HDAC5: variants seen among roughly 807,000 people sequenced by gnomAD.
The protein encoded by HDAC5 is histone deacetylase 5.
A neutral mutation model predicts 133.3 loss-of-function variants in HDAC5; 25 were observed. The observed-to-expected ratio is 0.19, with a 90% CI of 0.14 to 0.26. The LOEUF (loss-of-function observed/expected upper bound fraction) is 0.26. HDAC5 is among the 10% of genes least tolerant of loss of function. The probability of loss-of-function intolerance (pLI) is 1.00; values close to 1 mark genes in which losing one functional copy is unlikely to be tolerated. For missense variants in HDAC5, 1,041 were observed against 1,460.5 expected (o/e 0.71, Z 4.68); for synonymous variants, 589 against 610.8 (o/e 0.96, Z 0.53).
chr17:44,099,935 C>G (rs1359773593), intron 3 of HDAC5, among the ~76,000 whole-genome samples: 1 of 152,314 alleles, frequency 6.6e-6, no homozygotes, highest in East Asian at 1.9e-4. Context: ...CTTCAGGAAC[C>G]CCATCAGCCC....
rs138341088 is a variant in HDAC5, at chr17:44,115,136, G to C, written c.22+2358C>G. Among the ~76,000 whole-genome samples, 272 of 152,332 alleles carry C rather than the reference G, an allele frequency of 1.8e-3. 2 individuals are homozygous for C. The highest frequency in any genetic ancestry group is 6.3e-3 in the African/African-American group (264 of 41,588). On this transcript the variant is annotated intron_variant, in intron 2 of 26. Coordinates refer to ENST00000682912, the MANE Select transcript of HDAC5 (RefSeq NM_005474.5). Reference sequence around the variant, plus strand: ...CTGTCTTCCACAGGCTGAGCCTGTTGGTGATACTCAGTGAGGACTTGCCAA... The same window carrying C: ...CTGTCTTCCACAGGCTGAGCCTGTTCGTGATACTCAGTGAGGACTTGCCAA...
chr17:44,089,961 G>C (rs940364507), intron 11 of HDAC5, among the ~76,000 whole-genome samples: 1 of 145,436 alleles, frequency 6.9e-6, no homozygotes, highest in Non-Finnish European at 1.5e-5. Flanking sequence ...GGATGAGCAT[G>C]GCGGCTCACA....
At chr17:44,101,402 C>G (rs2051597104) in intron 3 of HDAC5, among the ~76,000 whole-genome samples, 2 of 121,564 alleles carry the variant, frequency 1.6e-5, no homozygotes, top group East Asian at 4.7e-4. Flanking sequence ...CAGAGCAAGA[C>G]TCCGTCTCAA....
intron 3 of HDAC5, among the ~76,000 whole-genome samples, 172 bp from the exon 4 acceptor site, chr17:44,094,006 G>A (rs866855191): frequency 1.1e-4 from 17 of 152,324 alleles, no homozygotes; most frequent in African/African-American, 3.4e-4. Context: ...AATTAAATGA[G>A]GCTGAAGCCA....
chr17:44,099,108 C>T (rs1483829390), intron 3 of HDAC5, among the ~76,000 whole-genome samples: 1 of 152,094 alleles, frequency 6.6e-6, no homozygotes, highest in Non-Finnish European at 1.5e-5. Flanking sequence ...AAGAGTGAAA[C>T]TCTGTCTCAA....
chr17:44,080,055 A>T, intron 23 of HDAC5, 52 bp downstream of exon 23: 1 of 1,287,136 alleles, frequency 7.8e-7, no homozygotes, highest in Non-Finnish European at 1.1e-6. Flanking sequence ...GCCTCACTGG[A>T]CTCGATATCC....
chr17:44,122,747 G>T (rs1385752388), intron 1 of HDAC5, among the ~76,000 whole-genome samples: 1 of 152,066 alleles, frequency 6.6e-6, no homozygotes, highest in Non-Finnish European at 1.5e-5. Flanking sequence ...CTCCCCCCAA[G>T]TTAATAAGGC....
At chr17:44,081,072 G>T (rs1220744784) in intron 20 of HDAC5, among the ~76,000 whole-genome samples, 190 bp from the exon 21 acceptor site, 1 of 152,096 alleles carries the variant, frequency 6.6e-6, no homozygotes, top group Non-Finnish European at 1.5e-5. Flanking sequence ...GTTCACAATG[G>T]TATTGCACAC....
Position 44,097,010 on chromosome 17 carries a change from C to T in HDAC5, c.95-3176G>A, listed in dbSNP as rs533762445. 2.0e-4 allele frequency among the ~76,000 whole-genome samples: 30 copies of T among 152,372 alleles called. No individual in the cohort carries two copies. In the South Asian group the frequency reaches 5.0e-3, roughly 25 times the overall value. On this transcript the variant is annotated intron_variant, in intron 3 of 26. Transcript: ENST00000682912. ...GTGCTGGGATTACAGGCATGAGTGA[C>T]CACACCCAGCCGAACAATTTTTAAA...
At position 44,078,890 on chromosome 17, in the gene HDAC5, AAAG is replaced by A; in HGVS notation, c.3079-14_3079-12del. On this transcript the variant is annotated splice_polypyrimidine_tract_variant and intron_variant, in intron 24 of 26. Coordinates refer to ENST00000682912, the MANE Select transcript of HDAC5 (RefSeq NM_005474.5). ...ATCCAAGGGCTGCAGCTGGCAGGGG[AAAG>A]AAGAGAAGGCTTAGGGTGGGGAGTA... 1 of 1,613,938 alleles carries A rather than the reference AAAG, an allele frequency of 6.2e-7. No individual in the cohort carries two copies. The highest frequency in any genetic ancestry group is 8.5e-7 in the Non-Finnish European group (1 of 1,179,892).
At position 44,111,378 on chromosome 17, in the gene HDAC5, G is replaced by A. The variant is rs148096795; in HGVS notation, c.23-578C>T. ...AGGCGGTTCTACCCCAGGAGGAAGC[G>A]CCAGGCGAGGGGGATGGGAACAGGG... On this transcript the variant is annotated intron_variant, in intron 2 of 26. Transcript: ENST00000682912. The A allele has an allele frequency of 1.6e-3, 540 of 341,806 alleles. 2 individuals are homozygous for A. Among genetic ancestry groups the A allele is most frequent in the African/African-American group, 7.1e-3 (329 of 46,598 alleles). The allele number at this position is 341,806 out of a possible 1,614,324, so 21.2% of individuals were successfully genotyped here.
rs1358904301 is a variant in HDAC5, at chr17:44,093,191, G to T, written c.542C>A (p.Thr181Asn). The change falls in exon 6 of 27, where the codon ACT becomes AAT. Residue 181 changes from threonine to asparagine, a missense_variant. This residue lies in a region of HDAC5 where 109 missense variants were observed against 168.0 expected (regional missense o/e 0.65). Coordinates refer to ENST00000682912, the MANE Select transcript of HDAC5 (RefSeq NM_005474.5). ...EKSKESAIAS[T>N]EVKLRLQEFL... ...TTCCTGGAGCCTCAGCTTTACCTCA[G>T]TGCTGGCAATGGCACCTGCAGGACA... 6.2e-7 allele frequency: 1 copy of T among 1,612,596 alleles called. No individual in the cohort carries two copies. Among genetic ancestry groups the T allele is most frequent in the Non-Finnish European group, 8.5e-7 (1 of 1,179,160 alleles).
rs771925817 is a variant in HDAC5 at position 44,093,839 on chromosome 17, G to A, written c.95-5C>T. On this transcript the variant is annotated splice_region_variant and splice_polypyrimidine_tract_variant and intron_variant, in intron 3 of 26. Transcript: ENST00000682912. The stretch of plus-strand genomic sequence containing the variant: ...GCAGCACCGGCTTCACCTCCACTGT[G>A]GGCAGAAGAGACAGGAAGGAGTTAG... 222 of 1,482,334 alleles carry A rather than the reference G, an allele frequency of 1.5e-4. No homozygotes were observed. The highest frequency in any genetic ancestry group is 2.0e-4 in the South Asian group (14 of 70,578). The allele number at this position is 1,482,334 out of a possible 1,614,324, so 91.8% of individuals were successfully genotyped here.
chr17:44,103,528 C>A (rs2143470802), intron 3 of HDAC5, among the ~76,000 whole-genome samples: 1 of 152,292 alleles, frequency 6.6e-6, no homozygotes, highest in East Asian at 1.9e-4. Flanking sequence ...GCAGGCAGAA[C>A]AGCACCCAAC....
At chr17:44,078,924 G>C in intron 24 of HDAC5, 45 bp from the exon 25 acceptor site, 1 of 1,586,600 alleles carries the variant, frequency 6.3e-7, no homozygotes, top group Non-Finnish European at 8.7e-7. Flanking sequence ...GAGTAGGGTT[G>C]CCATGCATAC....
intron 3 of HDAC5, among the ~76,000 whole-genome samples, chr17:44,103,849 C>G (rs143072857): frequency 0.023 from 3,504 of 151,952 alleles, 160 homozygotes; most frequent in African/African-American, 0.081. Flanking sequence ...GCTGGGATTA[C>G]AGGCATACGC....
Position 44,108,531 on chromosome 17 carries a change from C to A in HDAC5, c.94+2198G>T, listed in dbSNP as rs142686507. On this transcript the variant is annotated intron_variant, in intron 3 of 26. Coordinates refer to ENST00000682912, the MANE Select transcript of HDAC5 (RefSeq NM_005474.5). ...CAACCCCTTGGGCTTGGGAGACCTG[C>A]GCAACTCACACCATCCAAAGAAGCT... is the stretch of plus-strand genomic sequence containing the variant. Among the ~76,000 whole-genome samples the A allele has an allele frequency of 4.5e-3, 686 of 152,052 alleles. 4 individuals carry two copies. Among genetic ancestry groups the A allele is most frequent in the Admixed American group, 8.8e-3 (134 of 15,274 alleles).
At chr17:44,087,362 G>A (rs1226382455) in intron 13 of HDAC5, 50 bp downstream of exon 13, 2 of 723,202 alleles carry the variant, frequency 2.8e-6, no homozygotes, top group South Asian at 1.6e-5. Context: ...CAGGGGTGGA[G>A]AAGGACAGAG....
chr17:44,108,773 C>CAA (rs1402706062), intron 3 of HDAC5, among the ~76,000 whole-genome samples: 1 of 106,474 alleles, frequency 9.4e-6, no homozygotes, highest in Non-Finnish European at 1.9e-5. Flanking sequence ...AAAAAAAAAA[C>CAA]AAAAAAAAAA....
Sources: gnomAD v4.1 joint callset for allele counts (sites outside exome capture counted in the v4.1 genomes callset) on GRCh38, gnomAD v4.1.1 for gene constraint, gnomAD v4.1.1 regional missense constraint, MANE v1.5 for transcripts, NCBI Gene and HGNC (gene_info 2026-07-23, HGNC 2026-07-21) for gene names.